The following MARCHF1 variants were observed in gnomAD, a reference collection of about 807,000 sequenced individuals.
MARCHF1 encodes the protein E3 ubiquitin-protein ligase MARCHF1.
Under a neutral mutation model 54.2 loss-of-function variants are expected in MARCHF1, and 40 were observed. That is an observed-to-expected ratio of 0.74 (90% CI 0.57 to 0.96). The LOEUF (loss-of-function observed/expected upper bound fraction) is 0.96, where lower values mean the gene tolerates loss of function less well. Ranked by LOEUF, MARCHF1 falls within the 40% of genes least tolerant of loss-of-function variation. MARCHF1 has a pLI of 0.00. For synonymous variants in MARCHF1, 236 were observed against 236.3 expected, an observed-to-expected ratio of 1.00 and a Z score of 0.01; for missense variants, 586 against 656.5, an observed-to-expected ratio of 0.89 and a Z score of 1.17.
intron 1 of MARCHF1, among the ~76,000 whole-genome samples, chr4:164,211,815 G>T (rs10001526): frequency 0.07 from 10,610 of 152,052 alleles, 425 homozygotes; most frequent in Middle Eastern, 0.12. Flanking sequence ...CAACTATTTT[G>T]AGAGAGTTCG....
chr4:164,265,966 T>C (rs1427063758), intron 1 of MARCHF1, among the ~76,000 whole-genome samples: 1 of 152,222 alleles, frequency 6.6e-6, no homozygotes, highest in Non-Finnish European at 1.5e-5. Context: ...GGAGATTTTG[T>C]TGTTTAACAC....
chr4:164,289,464 T>C (rs765540769), intron 1 of MARCHF1, among the ~76,000 whole-genome samples: 18 of 151,936 alleles, frequency 1.2e-4, no homozygotes, highest in Admixed American at 2.6e-4. Context: ...TGAAACAGAT[T>C]TTTTAAAGTT....
intron 2 of MARCHF1, among the ~76,000 whole-genome samples, chr4:164,099,762 A>G (rs1268427959): frequency 6.6e-6 from 1 of 152,184 alleles, no homozygotes; most frequent in Non-Finnish European, 1.5e-5. Context: ...TTTTGTTAAT[A>G]TTGTTCTCTG....
intron 2 of MARCHF1, among the ~76,000 whole-genome samples, chr4:163,990,239 A>G (rs1560851023): frequency 3.3e-5 from 5 of 152,052 alleles, no homozygotes. Context: ...CATGGTTCTA[A>G]CCCCTACCAT....
chr4:164,349,385 T>G (rs1025836921), intron 1 of MARCHF1, among the ~76,000 whole-genome samples: 1 of 152,160 alleles, frequency 6.6e-6, no homozygotes. Flanking sequence ...AAATAAGACA[T>G]AATAATATGA....
intron 4 of MARCHF1, among the ~76,000 whole-genome samples, chr4:163,851,249 T>G (rs1353839183): frequency 6.6e-6 from 1 of 152,164 alleles, no homozygotes; most frequent in African/African-American, 2.4e-5. Flanking sequence ...TAGAGGGAAC[T>G]ATGGACAAGG....
At chr4:163,929,946 T>TA (rs1553963986) in intron 3 of MARCHF1, among the ~76,000 whole-genome samples, 5 of 52,924 alleles carry the variant, frequency 9.4e-5, no homozygotes, top group Non-Finnish European at 1.6e-4. Context: ...TATATTTATA[T>TA]TATATATATT....
chr4:164,235,097 G>A (rs985223237), intron 1 of MARCHF1, among the ~76,000 whole-genome samples: 62 of 151,892 alleles, frequency 4.1e-4, no homozygotes, highest in African/African-American at 1.3e-3. Context: ...TTCTCTAAAC[G>A]TTCCCCCAGG....
At chr4:164,219,565 T>C (rs1732031208) in intron 1 of MARCHF1, among the ~76,000 whole-genome samples, 2 of 151,994 alleles carry the variant, frequency 1.3e-5, no homozygotes, top group African/African-American at 4.8e-5. Context: ...AATCCTTCAA[T>C]ATTTCAAACC....
intron 4 of MARCHF1, among the ~76,000 whole-genome samples, chr4:163,761,678 T>C (rs1211603312): frequency 6.6e-6 from 1 of 152,164 alleles, no homozygotes; most frequent in Non-Finnish European, 1.5e-5. Flanking sequence ...GAACCCACAG[T>C]GAAGGGAATT....
At chr4:164,011,099 C>A (rs773929744) in intron 2 of MARCHF1, among the ~76,000 whole-genome samples, 1 of 152,040 alleles carries the variant, frequency 6.6e-6, no homozygotes, top group Non-Finnish European at 1.5e-5. Flanking sequence ...TCTCGAACCA[C>A]GCCCCAAATT....
intron 1 of MARCHF1, among the ~76,000 whole-genome samples, chr4:164,134,666 C>T (rs1475120789): frequency 2.6e-5 from 4 of 151,986 alleles, no homozygotes; most frequent in African/African-American, 9.7e-5. Flanking sequence ...TGACTGATAA[C>T]ATTTGCTTCC....
At chr4:163,681,728 C>T (rs936907461) in intron 5 of MARCHF1, among the ~76,000 whole-genome samples, 1 of 152,226 alleles carries the variant, frequency 6.6e-6, no homozygotes, top group African/African-American at 2.4e-5. Flanking sequence ...CCATGCTGAA[C>T]TGTGAGTCAA....
intron 3 of MARCHF1, among the ~76,000 whole-genome samples, chr4:163,918,132 A>G (rs2111354337): frequency 6.6e-6 from 1 of 152,302 alleles, no homozygotes; most frequent in African/African-American, 2.4e-5. Flanking sequence ...TTCTCCCAGC[A>G]TCATTTAGTA....
At chr4:163,840,558 C>T (rs189749123) in intron 4 of MARCHF1, among the ~76,000 whole-genome samples, 2 of 151,908 alleles carry the variant, frequency 1.3e-5, no homozygotes, top group East Asian at 1.9e-4. Flanking sequence ...CCCTTGAAAA[C>T]GAGAAGGCAG....
intron 1 of MARCHF1, among the ~76,000 whole-genome samples, chr4:164,183,218 C>A (rs770489971): frequency 2.6e-5 from 4 of 152,136 alleles, no homozygotes; most frequent in Non-Finnish European, 4.4e-5. Flanking sequence ...CTATTCCCAT[C>A]TACCCAATCT....
chr4:163,567,975 T>C (rs1579070216), intron 8 of MARCHF1, among the ~76,000 whole-genome samples: 2 of 152,178 alleles, frequency 1.3e-5, no homozygotes, highest in South Asian at 4.1e-4. Context: ...CTTTCAAATA[T>C]GTTAAATAAT....
At chr4:164,337,383 A>G (rs1729770154) in intron 1 of MARCHF1, among the ~76,000 whole-genome samples, 1 of 152,244 alleles carries the variant, frequency 6.6e-6, no homozygotes, top group Admixed American at 6.5e-5. Flanking sequence ...GCTCAATGCC[A>G]AGAGAACCTC....
At position 163,527,714 on chromosome 4, in the gene MARCHF1, A is replaced by AATT. The variant is rs1738173582; in HGVS notation, c.*1031_*1033dup. ...TAAATAAAGCAGAAGCTTAGTCTCT[A>AATT]ATTTTACGGCTGTGCTATCCAATAT... is the stretch of plus-strand genomic sequence containing the variant. On this transcript the variant is annotated 3_prime_UTR_variant, in exon 10 of 10. Transcript: ENST00000514618. 6.6e-6 allele frequency: 1 copy of AATT among 151,936 alleles called. No homozygotes were observed. The highest frequency in any genetic ancestry group is 1.5e-5 in the Non-Finnish European group (1 of 67,936). The allele number at this position is 151,936 out of a possible 1,614,324, so 9.4% of individuals were successfully genotyped here.
Sources: gnomAD v4.1 joint callset for allele counts (sites outside exome capture counted in the v4.1 genomes callset) on GRCh38, gnomAD v4.1.1 for gene constraint, MANE v1.5 for transcripts, NCBI Gene and HGNC (gene_info 2026-07-23, HGNC 2026-07-21) for gene names.